DDX50: variants seen among roughly 807,000 people sequenced by gnomAD.
The protein encoded by DDX50 is ATP-dependent RNA helicase DDX50.
A neutral mutation model predicts 94.8 loss-of-function variants in DDX50; 56 were observed. The ratio of observed to expected loss-of-function variants is 0.59; its 90% CI spans 0.48 to 0.74. The LOEUF is 0.74. DDX50 is among the 30% of genes least tolerant of loss of function. DDX50 has a pLI of 0.00. For missense variants in DDX50, 713 were observed against 881.2 expected (o/e 0.81, Z 2.42); for synonymous variants, 264 against 295.4 (o/e 0.89, Z 1.09).
At chr10:68,903,930 C>G (rs1355036836) in intron 1 of DDX50, among the ~76,000 whole-genome samples, 2 of 149,060 alleles carry the variant, frequency 1.3e-5, no homozygotes, top group Non-Finnish European at 3.0e-5. Context: ...GAGCCGAGAT[C>G]GCACCATTGC....
chr10:68,934,692 G>A lies in DDX50; in HGVS notation c.1402-107G>A. The A allele has an allele frequency of 7.7e-7, 1 of 1,296,228 alleles. No individual in the cohort carries two copies. The highest frequency in any genetic ancestry group is 1.0e-6 in the Non-Finnish European group (1 of 962,380). The allele number at this position is 1,296,228 out of a possible 1,614,324, so 80.3% of individuals were successfully genotyped here. On this transcript the variant is annotated intron_variant, in intron 9 of 14. Coordinates refer to ENST00000373585, the MANE Select transcript of DDX50 (RefSeq NM_024045.2). This position sits in a 1 kb window ranked among gnomAD's most constrained non-coding sequence, Gnocchi z 4.0. Reference sequence around the variant, plus strand: ...ATAAATTGTTTGGAATGTTGAAAAGGGCAACAGGATTGAAATAAATATATT... The same window carrying A: ...ATAAATTGTTTGGAATGTTGAAAAGAGCAACAGGATTGAAATAAATATATT...
chr10:68,938,423 T>C (rs1238479932), intron 12 of DDX50, among the ~76,000 whole-genome samples: 2 of 152,228 alleles, frequency 1.3e-5, no homozygotes, highest in Non-Finnish European at 2.9e-5. Context: ...GAGGGGAGTT[T>C]CTTGGTGAAG....
intron 1 of DDX50, among the ~76,000 whole-genome samples, chr10:68,902,165 T>C (rs1379150947): frequency 7.3e-6 from 1 of 136,912 alleles, no homozygotes; most frequent in Non-Finnish European, 1.5e-5. Flanking sequence ...GTTGTAGTCT[T>C]TCCTCCTCCC....
rs181770230 is a variant in DDX50 at position 68,928,345 on chromosome 10, G to A, written c.1240-5854G>A. Among the ~76,000 whole-genome samples, 4 of 151,932 alleles carry A rather than the reference G, an allele frequency of 2.6e-5. No homozygotes were observed. In the South Asian group the frequency reaches 6.2e-4, roughly 24 times the overall value. On this transcript the variant is annotated intron_variant, in intron 8 of 14. Transcript: ENST00000373585. ...ATAAATAAATAAAATTTAAAAGGTG[G>A]TATTAAAAATTACTTTCTTTTTTAC...
At chr10:68,912,030 A>G (rs1841639687) in intron 4 of DDX50, among the ~76,000 whole-genome samples, 2 of 152,238 alleles carry the variant, frequency 1.3e-5, no homozygotes, top group African/African-American at 4.8e-5. Flanking sequence ...GAGCAAATTA[A>G]CATACATACA....
intron 2 of DDX50, among the ~76,000 whole-genome samples, chr10:68,907,657 G>T (rs1841498714): frequency 6.6e-6 from 1 of 151,814 alleles, no homozygotes; most frequent in Non-Finnish European, 1.5e-5. Flanking sequence ...TACGATAATT[G>T]CTGATATTCA....
At chr10:68,902,189 C>CT (rs1841309345) in intron 1 of DDX50, among the ~76,000 whole-genome samples, 1 of 45,576 alleles carries the variant, frequency 2.2e-5, no homozygotes, top group Non-Finnish European at 4.2e-5. Context: ...CCCCTGCCCT[C>CT]CAAAAAAAAA....
At chr10:68,902,271 G>A (rs1187526258) in intron 1 of DDX50, among the ~76,000 whole-genome samples, 1 of 150,908 alleles carries the variant, frequency 6.6e-6, no homozygotes, top group Admixed American at 6.6e-5. Context: ...AAAATGCCCA[G>A]GTAAAATTAT....
At chr10:68,910,512 C>T (rs969014871) in intron 3 of DDX50, 130 bp downstream of exon 3, 2 of 622,408 alleles carry the variant, frequency 3.2e-6, no homozygotes, top group East Asian at 6.4e-5. Context: ...AAGCGATTCT[C>T]CTACCTCAGC....
intron 7 of DDX50, among the ~76,000 whole-genome samples, chr10:68,918,255 A>T (rs1195906733): frequency 6.6e-6 from 1 of 151,932 alleles, no homozygotes; most frequent in African/African-American, 2.4e-5. Context: ...TGCCATATTT[A>T]CAGTTTTTTA....
intron 1 of DDX50, among the ~76,000 whole-genome samples, chr10:68,905,790 GT>G (rs1395657180): frequency 1.3e-5 from 2 of 152,216 alleles, no homozygotes; most frequent in East Asian, 3.8e-4. Flanking sequence ...GCGTATGCCT[GT>G]AGTCCCAGCT....
Position 68,936,500 on chromosome 10 carries a change from AAAAAAAAAAAAAAAAATATATAT to A in DDX50, c.1595+423_1596-412del, listed in dbSNP as rs1454007712. Among the ~76,000 whole-genome samples, 12 of 44,432 alleles carry A rather than the reference AAAAAAAAAAAAAAAAATATATAT, an allele frequency of 2.7e-4. No homozygotes were observed. In the East Asian group the frequency reaches 6.9e-3, roughly 26 times the overall value. 29.1% of individuals were successfully genotyped at this position (44,432 alleles called of 152,430 possible). On this transcript the variant is annotated intron_variant, in intron 11 of 14. Coordinates refer to ENST00000373585, the MANE Select transcript of DDX50 (RefSeq NM_024045.2). ...CAAGACTCTGTCTCAAAAAAAAAAA[AAAAAAAAAAAAAAAAATATATAT>A]ATATATATATATATATATATATATA...
chr10:68,903,482 A>G (rs989009748), intron 1 of DDX50, among the ~76,000 whole-genome samples: 3 of 150,826 alleles, frequency 2.0e-5, no homozygotes, highest in African/African-American at 7.3e-5. Flanking sequence ...CCCGGCCAAC[A>G]TGGTGAAACA....
chr10:68,943,332 T>C, intron 14 of DDX50, 75 bp downstream of exon 14: 2 of 1,229,108 alleles, frequency 1.6e-6, no homozygotes, highest in African/African-American at 3.0e-5. Flanking sequence ...TTGGGAAACA[T>C]AGTCACAATG....
At chr10:68,941,235 A>G (rs1842546115) in intron 13 of DDX50, 41 bp downstream of exon 13, 12 of 1,596,636 alleles carry the variant, frequency 7.5e-6, no homozygotes, top group Non-Finnish European at 9.4e-6. Context: ...TTAATCAACT[A>G]CCCCAAATGT....
At chr10:68,902,424 A>G (rs975303249) in intron 1 of DDX50, among the ~76,000 whole-genome samples, 7 of 152,214 alleles carry the variant, frequency 4.6e-5, no homozygotes, top group African/African-American at 1.7e-4. Flanking sequence ...CCTTATCACT[A>G]AGGTAAACTT....
intron 8 of DDX50, among the ~76,000 whole-genome samples, chr10:68,922,523 G>C (rs1589259097): frequency 6.6e-6 from 1 of 152,012 alleles, no homozygotes; most frequent in East Asian, 1.9e-4. Flanking sequence ...TAGCAGGCAT[G>C]GTGGCTCACA....
chr10:68,937,219 TCTC>T, intron 12 of DDX50, 124 bp downstream of exon 12: 4 of 1,058,212 alleles, frequency 3.8e-6, no homozygotes, highest in Non-Finnish European at 5.1e-6. Context: ...GAGAAACTGG[TCTC>T]CTTATTTTCC....
chr10:68,933,025 A>T (rs1165704217), intron 8 of DDX50, among the ~76,000 whole-genome samples: 2 of 151,810 alleles, frequency 1.3e-5, no homozygotes, highest in African/African-American at 4.8e-5. Flanking sequence ...CAGAGATACA[A>T]GTACAAAGTT....
Sources: allele counts gnomAD v4.1 joint callset (sites outside exome capture counted in the v4.1 genomes callset), GRCh38; gene constraint gnomAD v4.1.1; non-coding constraint Gnocchi (gnomAD v3.1); transcripts MANE v1.5; gene names NCBI Gene and HGNC (gene_info 2026-07-23, HGNC 2026-07-21).